Variants in LDLRAD3 observed in about 807,000 individuals in gnomAD.
The protein encoded by LDLRAD3 is low-density lipoprotein receptor class A domain-containing protein 3.
Under a neutral mutation model 29.4 loss-of-function variants are expected in LDLRAD3, and 20 were observed. The observed-to-expected ratio is 0.68, with a 90% CI of 0.48 to 0.99. LDLRAD3 has a LOEUF of 0.99. Ranked by LOEUF, LDLRAD3 falls within the 50% of genes least tolerant of loss-of-function variation. LDLRAD3 has a pLI of 0.00. For synonymous variants in LDLRAD3, 157 were observed against 192.7 expected, an observed-to-expected ratio of 0.81 and a Z score of 1.53; for missense variants, 420 against 454.3, an observed-to-expected ratio of 0.92 and a Z score of 0.69.
Position 35,964,189 on chromosome 11 carries a change from A to C in LDLRAD3, c.46+20045A>C, listed in dbSNP as rs533588763. ...ATTGTCTACTAGGAACACTCCTACT[A>C]CTAACCATGTTCCCAATTATTTGGT... On this transcript the variant is annotated intron_variant, in intron 1 of 5. Transcript: ENST00000315571. Among the ~76,000 whole-genome samples the C allele has an allele frequency of 5.9e-5, 9 of 152,318 alleles. No homozygotes were observed. The South Asian group carries it at 1.9e-3, about 32-fold the overall frequency.
intron 2 of LDLRAD3, among the ~76,000 whole-genome samples, chr11:36,074,614 C>T (rs1383082914): frequency 2.0e-5 from 3 of 152,202 alleles, no homozygotes; most frequent in South Asian, 2.1e-4. Flanking sequence ...TTTATTCTAA[C>T]GTAATGGGAA....
intron 2 of LDLRAD3, among the ~76,000 whole-genome samples, chr11:36,063,955 T>G (rs1852747884): frequency 6.6e-6 from 1 of 152,182 alleles, no homozygotes; most frequent in Non-Finnish European, 1.5e-5. Flanking sequence ...AGAAGCTAGC[T>G]GAGATTTTAG....
chr11:35,970,726 T>G (rs901984778), intron 1 of LDLRAD3, among the ~76,000 whole-genome samples: 9 of 152,202 alleles, frequency 5.9e-5, no homozygotes, highest in African/African-American at 2.2e-4. Context: ...TCTTGCATAA[T>G]GCCGCTGCCA....
rs1346577406 is a variant in LDLRAD3, at chr11:36,112,824, T to C, written c.454+14363T>C. 3.3e-5 allele frequency among the ~76,000 whole-genome samples: 5 copies of C among 151,592 alleles called. No individual in the cohort carries two copies. The East Asian group carries it at 9.7e-4, about 29-fold the overall frequency. On this transcript the variant is annotated intron_variant, in intron 4 of 5. Coordinates refer to ENST00000315571, the MANE Select transcript of LDLRAD3 (RefSeq NM_174902.4). The stretch of plus-strand genomic sequence containing the variant: ...ATCCCCAAAAGAGAGATGGAGAGAG[T>C]ATTTGCTTTTTTTCCTCAGATGTTT...
intron 2 of LDLRAD3, among the ~76,000 whole-genome samples, chr11:36,060,061 G>A (rs1043375510): frequency 1.3e-5 from 2 of 152,214 alleles, no homozygotes; most frequent in Non-Finnish European, 2.9e-5. Flanking sequence ...GGCATCAGAA[G>A]TTATATAACT....
chr11:36,129,449 G>A (rs1012925227), intron 4 of LDLRAD3, among the ~76,000 whole-genome samples: 33 of 152,118 alleles, frequency 2.2e-4, no homozygotes, highest in Non-Finnish European at 4.0e-4. Context: ...AAAGTTGAAC[G>A]AGGAACTAGG....
At chr11:35,953,704 T>C (rs1408610269) in intron 1 of LDLRAD3, among the ~76,000 whole-genome samples, 2 of 152,154 alleles carry the variant, frequency 1.3e-5, no homozygotes, top group African/African-American at 4.8e-5. Context: ...ATTTAACTTG[T>C]TTTTTTATTA....
chr11:36,063,404 A>G (rs974551626), intron 2 of LDLRAD3, among the ~76,000 whole-genome samples: 4 of 152,202 alleles, frequency 2.6e-5, no homozygotes, highest in Non-Finnish European at 4.4e-5. Flanking sequence ...ATTAGCAGTC[A>G]TTCCCCATTC....
intron 1 of LDLRAD3, among the ~76,000 whole-genome samples, chr11:36,033,442 A>G (rs531385588): frequency 6.6e-6 from 1 of 152,322 alleles, no homozygotes; most frequent in African/African-American, 2.4e-5. Context: ...TGACTCTCAG[A>G]GCAAGTACTT....
intron 4 of LDLRAD3, among the ~76,000 whole-genome samples, chr11:36,141,234 G>A (rs1485526192): frequency 6.6e-6 from 1 of 152,132 alleles, no homozygotes; most frequent in African/African-American, 2.4e-5. Context: ...ATCACCTATC[G>A]AGTTTTTCTT....
intron 1 of LDLRAD3, among the ~76,000 whole-genome samples, chr11:35,973,507 G>T: frequency 6.6e-6 from 1 of 152,204 alleles, no homozygotes; most frequent in South Asian, 2.1e-4. Context: ...TCCCAGGCGG[G>T]AGTGCAGTGG....
chr11:36,173,215 C>T (rs1267810386), intron 4 of LDLRAD3, among the ~76,000 whole-genome samples: 2 of 151,974 alleles, frequency 1.3e-5, no homozygotes, highest in East Asian at 3.9e-4. Flanking sequence ...GCTTTAAGTT[C>T]TAGGGTACAT....
At chr11:35,988,326 C>T (rs1227303221) in intron 1 of LDLRAD3, among the ~76,000 whole-genome samples, 1 of 152,158 alleles carries the variant, frequency 6.6e-6, no homozygotes, top group Non-Finnish European at 1.5e-5. Context: ...TCCCAAAGTG[C>T]TGAGATTACA....
intron 4 of LDLRAD3, among the ~76,000 whole-genome samples, chr11:36,106,757 C>T (rs1184218751): frequency 1.3e-5 from 2 of 152,240 alleles, no homozygotes; most frequent in African/African-American, 2.4e-5. Flanking sequence ...AACCCACCAC[C>T]ACCATATGGG....
chr11:35,957,382 G>C (rs552273056), intron 1 of LDLRAD3, among the ~76,000 whole-genome samples: 25 of 152,188 alleles, frequency 1.6e-4, no homozygotes, highest in Non-Finnish European at 3.2e-4. Flanking sequence ...CCAGCAACAT[G>C]CTGCCTCACA....
intron 1 of LDLRAD3, among the ~76,000 whole-genome samples, chr11:35,950,153 G>A (rs1238744065): frequency 6.6e-6 from 1 of 152,066 alleles, no homozygotes; most frequent in African/African-American, 2.4e-5. Context: ...TTCGTTATCT[G>A]GGAAGGGTAG....
chr11:36,027,328 A>G (rs1302885084), intron 1 of LDLRAD3, among the ~76,000 whole-genome samples: 1 of 152,008 alleles, frequency 6.6e-6, no homozygotes, highest in Non-Finnish European at 1.5e-5. Flanking sequence ...CCATTTTTCT[A>G]CTGGGCTGCT....
chr11:36,040,176 A>AAG (rs10623912), intron 2 of LDLRAD3, among the ~76,000 whole-genome samples: 144,425 of 152,020 alleles, frequency 0.95, 68,726 homozygotes, highest in Non-Finnish European at 0.98. Flanking sequence ...CTTCTTAAAA[A>AAG]AGAATTCTTG....
intron 1 of LDLRAD3, among the ~76,000 whole-genome samples, chr11:35,973,184 A>G (rs1435187801): frequency 6.8e-6 from 1 of 147,894 alleles, no homozygotes; most frequent in East Asian, 2.0e-4. Context: ...TTTTTTGATT[A>G]TTGTTGTCGT....
Sources: gnomAD v4.1 joint callset for allele counts (sites outside exome capture counted in the v4.1 genomes callset) on GRCh38, gnomAD v4.1.1 for gene constraint, MANE v1.5 for transcripts, NCBI Gene and HGNC (gene_info 2026-07-23, HGNC 2026-07-21) for gene names.